Variants in KCNIP4 observed in about 807,000 individuals in gnomAD.
The protein encoded by KCNIP4 is Kv channel-interacting protein 4.
In KCNIP4, 12 loss-of-function variants were observed where a neutral mutation model predicts 34.0. The observed-to-expected ratio is 0.35, with a 90% confidence interval of 0.23 to 0.57. KCNIP4 has a LOEUF of 0.57. KCNIP4 is among the 20% of genes least tolerant of loss of function. The pLI is 0.83. For synonymous variants in KCNIP4, 124 were observed against 102.2 expected, an observed-to-expected ratio of 1.21 and a Z score of -1.29; for missense variants, 238 against 311.7, an observed-to-expected ratio of 0.76 and a Z score of 1.78.
At chr4:21,011,346 C>A (rs1739048753) in intron 1 of KCNIP4, among the ~76,000 whole-genome samples, 2 of 152,158 alleles carry the variant, frequency 1.3e-5, no homozygotes, top group East Asian at 3.9e-4. Context: ...ATCACTGAGT[C>A]ATAAGAGTAA....
intron 5 of KCNIP4, among the ~76,000 whole-genome samples, chr4:20,739,451 A>G (rs572239654): frequency 6.6e-6 from 1 of 152,298 alleles, no homozygotes; most frequent in African/African-American, 2.4e-5. Context: ...CCAGGCAAAC[A>G]GGGTCTGGAG....
intron 1 of KCNIP4, among the ~76,000 whole-genome samples, chr4:21,071,679 C>T (rs1055943395): frequency 6.6e-6 from 1 of 151,854 alleles, no homozygotes; most frequent in Admixed American, 6.6e-5. Flanking sequence ...TTTTGGGGTA[C>T]ATGTGCACAA....
intron 1 of KCNIP4, among the ~76,000 whole-genome samples, chr4:21,316,042 T>C (rs1206019168): frequency 6.6e-6 from 1 of 152,182 alleles, no homozygotes; most frequent in African/African-American, 2.4e-5. Flanking sequence ...ACTGCTTCCT[T>C]TTCCTTCTGA....
chr4:20,956,027 AC>A (rs1733267341), intron 1 of KCNIP4, among the ~76,000 whole-genome samples: 1 of 152,148 alleles, frequency 6.6e-6, no homozygotes, highest in Non-Finnish European at 1.5e-5. Context: ...ACACTTACTG[AC>A]CTTCTAACGC....
rs531748066 is a variant in KCNIP4, at chr4:21,541,410, C to T, written c.61+407161G>A. 1.1e-3 allele frequency among the ~76,000 whole-genome samples: 164 copies of T among 152,134 alleles called. 3 individuals are homozygous for T. Among genetic ancestry groups the T allele is most frequent in the African/African-American group, 3.8e-3 (156 of 41,512 alleles). ...TCCTTTCCCTGAGGGAATGTTTATTCTAGTCTTAAACTTGAGCCAGGCAGT... is the reference window on the plus strand; with the variant it reads ...TCCTTTCCCTGAGGGAATGTTTATTTTAGTCTTAAACTTGAGCCAGGCAGT... On this transcript the variant is annotated intron_variant, in intron 1 of 8. Coordinates refer to ENST00000382152, the MANE Select transcript of KCNIP4 (RefSeq NM_025221.6).
chr4:21,838,920 G>A (rs1723512412), intron 1 of KCNIP4, among the ~76,000 whole-genome samples: 1 of 152,074 alleles, frequency 6.6e-6, no homozygotes, highest in Admixed American at 6.6e-5. Flanking sequence ...GATATTTACT[G>A]TTGCATATGA....
At chr4:21,627,262 G>A (rs1577715598) in intron 1 of KCNIP4, among the ~76,000 whole-genome samples, 1 of 152,158 alleles carries the variant, frequency 6.6e-6, no homozygotes, top group East Asian at 1.9e-4. Flanking sequence ...TTTAGCTCTT[G>A]GTTATAAACC....
At chr4:21,733,434 T>A (rs1249895499) in intron 1 of KCNIP4, among the ~76,000 whole-genome samples, 1 of 152,262 alleles carries the variant, frequency 6.6e-6, no homozygotes, top group East Asian at 1.9e-4. Context: ...TGTATACAGA[T>A]ACACACACAC....
intron 1 of KCNIP4, among the ~76,000 whole-genome samples, chr4:20,894,971 G>C (rs1204540839): frequency 1.3e-5 from 2 of 152,182 alleles, no homozygotes; most frequent in Non-Finnish European, 2.9e-5. Flanking sequence ...AGCCCCACTT[G>C]TGGAAGATAA....
At chr4:20,732,219 TTA>T (rs1225291720) in intron 7 of KCNIP4, 151 bp from the exon 8 acceptor site, 1 of 621,094 alleles carries the variant, frequency 1.6e-6, no homozygotes, top group South Asian at 2.1e-5. Context: ...CAGCAGTTTT[TTA>T]GAGATAAAAA....
chr4:21,647,863 C>CTTTTTTTTTTT (rs10539950), intron 1 of KCNIP4, among the ~76,000 whole-genome samples: 6 of 60,178 alleles, frequency 1.0e-4, no homozygotes, highest in African/African-American at 5.9e-4. Context: ...TACAATGATG[C>CTTTTTTTTTTT]TTTTTTTTTT....
At chr4:21,671,633 A>G (rs1749506514) in intron 1 of KCNIP4, among the ~76,000 whole-genome samples, 1 of 152,062 alleles carries the variant, frequency 6.6e-6, no homozygotes, top group South Asian at 2.1e-4. Context: ...CTTGCTGTTA[A>G]TGGGTTGATA....
chr4:21,310,409 G>C (rs1168527153), intron 1 of KCNIP4, among the ~76,000 whole-genome samples: 1 of 152,014 alleles, frequency 6.6e-6, no homozygotes, highest in Non-Finnish European at 1.5e-5. Flanking sequence ...GGTGCTCCTG[G>C]AAAGTTTCTT....
intron 1 of KCNIP4, among the ~76,000 whole-genome samples, chr4:21,939,608 C>T (rs1730081444): frequency 1.3e-5 from 2 of 152,148 alleles, no homozygotes; most frequent in African/African-American, 4.8e-5. Context: ...AGTGCACCTA[C>T]GTTTCAGAGT....
chr4:21,017,094 C>T (rs1390449478), intron 1 of KCNIP4, among the ~76,000 whole-genome samples: 1 of 152,166 alleles, frequency 6.6e-6, no homozygotes, highest in Non-Finnish European at 1.5e-5. Context: ...CTTATCACAT[C>T]TTCATAGTGC....
At chr4:20,897,928 G>A (rs1394649391) in intron 1 of KCNIP4, among the ~76,000 whole-genome samples, 4 of 152,172 alleles carry the variant, frequency 2.6e-5, no homozygotes, top group African/African-American at 7.2e-5. Flanking sequence ...GGGATACCCA[G>A]ATACCTGGTC....
intron 1 of KCNIP4, among the ~76,000 whole-genome samples, chr4:21,479,192 C>A (rs539952462): frequency 6.6e-6 from 1 of 152,242 alleles, no homozygotes; most frequent in South Asian, 2.1e-4. Flanking sequence ...CAGAAGACAC[C>A]TACTATCACC....
intron 1 of KCNIP4, among the ~76,000 whole-genome samples, chr4:21,019,961 G>A (rs935481772): frequency 3.3e-5 from 5 of 152,282 alleles, no homozygotes; most frequent in Admixed American, 3.3e-4. Context: ...ATACACCAGA[G>A]TTCAGAAATT....
At chr4:21,040,354 C>CT (rs1208647307) in intron 1 of KCNIP4, among the ~76,000 whole-genome samples, 4 of 152,110 alleles carry the variant, frequency 2.6e-5, no homozygotes, top group African/African-American at 9.7e-5. Context: ...ACTATTTACT[C>CT]TGACATATTT....
Sources: gnomAD v4.1 joint callset for allele counts (sites outside exome capture counted in the v4.1 genomes callset) on GRCh38, gnomAD v4.1.1 for gene constraint, MANE v1.5 for transcripts, NCBI Gene and HGNC (gene_info 2026-07-23, HGNC 2026-07-21) for gene names.